The following DGKI variants were observed in gnomAD, a reference collection of about 807,000 sequenced individuals.
The protein encoded by DGKI is DAG kinase iota.
In DGKI, 55 loss-of-function variants were observed where a neutral mutation model predicts 147.5. That is an observed-to-expected ratio of 0.37 (90% CI 0.30 to 0.47). The LOEUF is 0.47. Ranked by LOEUF, DGKI falls within the 20% of genes least tolerant of loss-of-function variation. DGKI has a pLI of 1.00. For missense variants in DGKI, 1,007 were observed against 1,323.8 expected, an observed-to-expected ratio of 0.76 and a Z score of 3.71; for synonymous variants, 469 against 477.1, an observed-to-expected ratio of 0.98 and a Z score of 0.22.
At chr7:137,450,465 T>A (rs931882854) in intron 27 of DGKI, among the ~76,000 whole-genome samples, 5 of 152,194 alleles carry the variant, frequency 3.3e-5, no homozygotes, top group African/African-American at 1.2e-4. Flanking sequence ...ACCCCTGTAA[T>A]CCCAGCACTT....
chr7:137,825,159 T>C (rs375372914), intron 1 of DGKI, among the ~76,000 whole-genome samples: 4 of 152,242 alleles, frequency 2.6e-5, no homozygotes, highest in South Asian at 2.1e-4. Flanking sequence ...GTTCTAACTA[T>C]GAGCTATGCC....
At chr7:137,679,308 TGGGGAACA>T (rs972375412) in intron 2 of DGKI, among the ~76,000 whole-genome samples, 3 of 152,052 alleles carry the variant, frequency 2.0e-5, no homozygotes, top group African/African-American at 7.2e-5. Flanking sequence ...ATACTTTGGA[TGGGGAACA>T]GAGCTGCTAG....
intron 14 of DGKI, among the ~76,000 whole-genome samples, chr7:137,583,391 A>G (rs1016440185): frequency 9.9e-5 from 15 of 152,198 alleles, no homozygotes; most frequent in Admixed American, 5.2e-4. Flanking sequence ...TGATCCTGCC[A>G]AAAGCACAGA....
In DGKI at chr7:137,609,079, C is replaced by A; in HGVS notation, c.1069-15G>T. On this transcript the variant is annotated splice_polypyrimidine_tract_variant and intron_variant, in intron 9 of 32. Transcript: ENST00000614521. ...TTGTTTTCCTGCTGAAAGAAGCAAT[C>A]AGCACTGTTAGGATACACATCCATG... 6.2e-7 allele frequency: 1 copy of A among 1,604,098 alleles called. No individual in the cohort carries two copies. The highest frequency in any genetic ancestry group is 8.5e-7 in the Non-Finnish European group (1 of 1,171,212).
intron 2 of DGKI, among the ~76,000 whole-genome samples, chr7:137,687,278 C>T (rs1032126190): frequency 2.0e-5 from 3 of 152,184 alleles, no homozygotes; most frequent in African/African-American, 2.4e-5. Flanking sequence ...TAAGCTCCTG[C>T]CACCTTCCTT....
chr7:137,409,197 T>C (rs1380831919), intron 29 of DGKI, among the ~76,000 whole-genome samples: 1 of 152,164 alleles, frequency 6.6e-6, no homozygotes, highest in Non-Finnish European at 1.5e-5. Context: ...TATCAAAACA[T>C]CACTATGTAC....
At chr7:137,734,789 G>A (rs1167616314) in intron 1 of DGKI, among the ~76,000 whole-genome samples, 1 of 152,102 alleles carries the variant, frequency 6.6e-6, no homozygotes, top group Non-Finnish European at 1.5e-5. Flanking sequence ...AACAGAGAAT[G>A]AATTCACAAT....
intron 5 of DGKI, among the ~76,000 whole-genome samples, chr7:137,654,388 A>G (rs1822145061): frequency 6.6e-6 from 1 of 152,156 alleles, no homozygotes; most frequent in South Asian, 2.1e-4. Context: ...AATCAACCAG[A>G]ACACATGGCA....
In DGKI at chr7:137,840,906, C is replaced by T. The variant is rs760774373; in HGVS notation, c.401+5556G>A. 9.3e-4 allele frequency among the ~76,000 whole-genome samples: 142 copies of T among 152,360 alleles called. 1 individual carries two copies. The highest frequency in any genetic ancestry group is 2.5e-4 in the Non-Finnish European group (17 of 68,030). ...GTTCTGTCTTCAAAGGAGCTAACAA[C>T]TTAGTTTGGGGAATGGTAATAAGTA... On this transcript the variant is annotated intron_variant, in intron 1 of 32. Transcript: ENST00000614521.
chr7:137,497,921 G>C (rs1816026972), intron 21 of DGKI, among the ~76,000 whole-genome samples: 2 of 151,974 alleles, frequency 1.3e-5, no homozygotes, highest in African/African-American at 4.8e-5. Context: ...AAATTTACCT[G>C]TATAATAAAC....
At chr7:137,589,095 T>A (rs1819519771) in intron 12 of DGKI, among the ~76,000 whole-genome samples, 2 of 152,180 alleles carry the variant, frequency 1.3e-5, no homozygotes, top group Admixed American at 1.3e-4. Context: ...GGCATGTGAT[T>A]TTTGGAACCT....
intron 21 of DGKI, among the ~76,000 whole-genome samples, chr7:137,520,027 A>T (rs1032111577): frequency 6.6e-6 from 1 of 152,074 alleles, no homozygotes; most frequent in African/African-American, 2.4e-5. Flanking sequence ...TTCACATAGA[A>T]ATTTTATCAC....
intron 14 of DGKI, among the ~76,000 whole-genome samples, chr7:137,582,414 TTC>T (rs147596311): frequency 8.5e-4 from 127 of 149,058 alleles, no homozygotes; most frequent in Middle Eastern, 3.4e-3. Flanking sequence ...ATCACCCATT[TTC>T]TCTCTCTCTC....
chr7:137,402,364 C>T (rs1181107807), intron 30 of DGKI, among the ~76,000 whole-genome samples: 2 of 152,124 alleles, frequency 1.3e-5, no homozygotes, highest in East Asian at 3.9e-4. Context: ...GTTAAGTGGA[C>T]ATACACATCA....
At chr7:137,836,565 C>A (rs1202774691) in intron 1 of DGKI, among the ~76,000 whole-genome samples, 1 of 152,172 alleles carries the variant, frequency 6.6e-6, no homozygotes, top group Non-Finnish European at 1.5e-5. Flanking sequence ...ATGGTACCAT[C>A]ACCTCCCTTC....
chr7:137,676,363 G>C (rs1205254353), intron 3 of DGKI, among the ~76,000 whole-genome samples: 1 of 152,110 alleles, frequency 6.6e-6, no homozygotes, highest in Non-Finnish European at 1.5e-5. Flanking sequence ...TAAATTTCCT[G>C]TCCTTGTCCT....
intron 21 of DGKI, among the ~76,000 whole-genome samples, chr7:137,491,790 C>A (rs775237995): frequency 3.5e-4 from 54 of 152,330 alleles, no homozygotes; most frequent in Non-Finnish European, 6.9e-4. Flanking sequence ...AAAGCCCATG[C>A]AAACTGCTGC....
chr7:137,736,434 C>A (rs1444674217), intron 1 of DGKI, among the ~76,000 whole-genome samples: 1 of 152,236 alleles, frequency 6.6e-6, no homozygotes, highest in Non-Finnish European at 1.5e-5. Flanking sequence ...TCCTCTATGG[C>A]TTATTTTGCA....
chr7:137,391,050 T>C lies in DGKI; in HGVS notation c.*170A>G. The C allele has an allele frequency of 1.6e-6, 1 of 635,392 alleles. No homozygotes were observed. The highest frequency in any genetic ancestry group is 2.8e-6 in the Non-Finnish European group (1 of 356,522). The allele number at this position is 635,392 out of a possible 1,614,324, so 39.4% of individuals were successfully genotyped here. On this transcript the variant is annotated 3_prime_UTR_variant, in exon 33 of 33. Coordinates refer to ENST00000614521, the MANE Select transcript of DGKI (RefSeq NM_001321708.2). ...TCCTTCTCAATGGGCTATCATGTTC[T>C]GTTGTACATCTTGGTAGCCCTTAAA...
Sources: gnomAD v4.1 joint callset for allele counts (sites outside exome capture counted in the v4.1 genomes callset) on GRCh38, gnomAD v4.1.1 for gene constraint, MANE v1.5 for transcripts, NCBI Gene and HGNC (gene_info 2026-07-23, HGNC 2026-07-21) for gene names.